Variants in NEXMIF observed in about 807,000 individuals in gnomAD.
The protein encoded by NEXMIF is XLMR protein related to neurite extension.
NEXMIF carries 8 observed loss-of-function variants against 62.1 expected under a neutral mutation model. The observed-to-expected ratio is 0.13, with a 90% CI of 0.08 to 0.23. The LOEUF (loss-of-function observed/expected upper bound fraction) is 0.23. NEXMIF is among the 10% of genes least tolerant of loss of function. NEXMIF has a pLI of 1.00. For missense variants in NEXMIF, 976 were observed against 1,113.3 expected (o/e 0.88, Z 1.75); for synonymous variants, 404 against 416.6 (o/e 0.97, Z 0.37).
At chrX:74,763,713 T>C (rs1354266197) in intron 1 of NEXMIF, among the ~76,000 whole-genome samples, 26 of 23,150 alleles carry the variant, frequency 1.1e-3, no homozygotes, top group Admixed American at 3.3e-3. Flanking sequence ...CTAGGTATTT[T>C]GTTCTCTTTG....
Position 74,735,690 on chromosome X carries a change from A to C in NEXMIF, c.*3715T>G, listed in dbSNP as rs1213238404. 1 of 112,232 alleles carries C rather than the reference A, an allele frequency of 8.9e-6. No homozygotes were observed. The highest frequency in any genetic ancestry group is 1.9e-5 in the Non-Finnish European group (1 of 53,247). 9.2% of individuals were successfully genotyped at this position (112,232 alleles called of 1,213,427 possible). A position where few individuals can be genotyped will look rare whatever the true frequency, so the allele number is the denominator to read the frequency against. ...CTTCAGTGAGATGGCTGAAGAAGTG[A>C]TGATCAAAGTAATGCAGGAGGTTTG... On this transcript the variant is annotated 3_prime_UTR_variant, in exon 4 of 4. Coordinates refer to ENST00000055682, the MANE Select transcript of NEXMIF (RefSeq NM_001008537.3).
chrX:74,791,542 A>G (rs1270040674), intron 1 of NEXMIF, among the ~76,000 whole-genome samples: 1 of 111,745 alleles, frequency 8.9e-6, no homozygotes, highest in Non-Finnish European at 1.9e-5. Flanking sequence ...GAATAGTTTC[A>G]GAAGGAATGG....
intron 1 of NEXMIF, among the ~76,000 whole-genome samples, chrX:74,796,153 A>AT (rs1491449324): frequency 5.8e-5 from 4 of 68,993 alleles, no homozygotes; most frequent in Non-Finnish European, 1.0e-4. Context: ...TTATATATAT[A>AT]CATATATATT....
At chrX:74,875,713 T>C (rs1465871616) in intron 1 of NEXMIF, among the ~76,000 whole-genome samples, 1 of 112,083 alleles carries the variant, frequency 8.9e-6, no homozygotes, top group African/African-American at 3.2e-5. Flanking sequence ...TCTTCCTGGT[T>C]TAGTCTTGGG....
At chrX:74,872,952 TA>T (rs1274440240) in intron 1 of NEXMIF, among the ~76,000 whole-genome samples, 4 of 110,746 alleles carry the variant, frequency 3.6e-5, no homozygotes, top group Non-Finnish European at 7.6e-5. Flanking sequence ...TTTTAGTTTT[TA>T]TTTTTTTTAA....
intron 1 of NEXMIF, among the ~76,000 whole-genome samples, chrX:74,834,748 T>A (rs1277366249): frequency 2.7e-5 from 3 of 111,629 alleles, no homozygotes; most frequent in Non-Finnish European, 5.6e-5. Flanking sequence ...ATCCTTGACC[T>A]TTAGGAGGTT....
chrX:74,828,425 A>G (rs187067162), intron 1 of NEXMIF, among the ~76,000 whole-genome samples: 1 of 111,904 alleles, frequency 8.9e-6, no homozygotes, highest in East Asian at 2.8e-4. Flanking sequence ...TAAAATATTC[A>G]TGCTTATTAT....
chrX:74,865,025 T>C lies in NEXMIF; in HGVS notation c.-48+59858A>G, dbSNP rs756125076. On this transcript the variant is annotated intron_variant, in intron 1 of 3. Transcript: ENST00000055682. ...TACCCGGCCATCAGGTATTTCTTCA[T>C]AGCAGTAGGAAAATGGACTAATACA... Among the ~76,000 whole-genome samples the C allele has an allele frequency of 4.5e-5, 5 of 112,111 alleles. No homozygotes were observed. In the East Asian group the frequency reaches 8.5e-4, roughly 19 times the overall value.
intron 1 of NEXMIF, among the ~76,000 whole-genome samples, chrX:74,902,406 T>C (rs938355147): frequency 1.8e-5 from 2 of 109,911 alleles, no homozygotes; most frequent in African/African-American, 6.6e-5. Context: ...TGCATATGTA[T>C]AGGAACACAG....
chrX:74,915,743 G>A (rs1181622635), intron 1 of NEXMIF, among the ~76,000 whole-genome samples: 1 of 111,080 alleles, frequency 9.0e-6, no homozygotes, highest in African/African-American at 3.3e-5. Context: ...TGCAGTGTGA[G>A]GAAACAATCT....
At chrX:74,874,397 C>A (rs1158670353) in intron 1 of NEXMIF, among the ~76,000 whole-genome samples, 1 of 108,743 alleles carries the variant, frequency 9.2e-6, no homozygotes, top group Admixed American at 9.9e-5. Flanking sequence ...TTACTGTAGC[C>A]TTGTAGTATA....
chrX:74,857,301 T>C (rs1481341550), intron 1 of NEXMIF, among the ~76,000 whole-genome samples: 2 of 112,203 alleles, frequency 1.8e-5, no homozygotes, highest in Non-Finnish European at 3.8e-5. Context: ...GAAGACTTGG[T>C]CTTGCATCTT....
intron 1 of NEXMIF, among the ~76,000 whole-genome samples, chrX:74,756,404 T>C (rs2080159510): frequency 8.9e-6 from 1 of 111,958 alleles, no homozygotes; most frequent in South Asian, 3.7e-4. Context: ...AAAATTTCAA[T>C]AATTCCACAA....
intron 1 of NEXMIF, among the ~76,000 whole-genome samples, chrX:74,908,302 G>C (rs1033128768): frequency 3.6e-5 from 4 of 112,361 alleles, no homozygotes; most frequent in Non-Finnish European, 5.6e-5. Context: ...AGGCAGGCCT[G>C]TGGATTCTTC....
intron 1 of NEXMIF, among the ~76,000 whole-genome samples, chrX:74,861,940 G>C (rs2080559125): frequency 9.0e-6 from 1 of 111,421 alleles, no homozygotes; most frequent in African/African-American, 3.3e-5. Flanking sequence ...ACATCAACAA[G>C]TCTGCAAAAT....
chrX:74,747,238 T>G, intron 1 of NEXMIF, among the ~76,000 whole-genome samples: 1 of 111,908 alleles, frequency 8.9e-6, no homozygotes. Context: ...TTTCAATAAT[T>G]TAATGTCTTC....
At chrX:74,797,230 T>G (rs2080314958) in intron 1 of NEXMIF, among the ~76,000 whole-genome samples, 1 of 112,035 alleles carries the variant, frequency 8.9e-6, no homozygotes, top group Admixed American at 9.5e-5. Context: ...CACATGATGA[T>G]TAAATGCAAT....
chrX:74,850,439 G>T (rs1180308727), intron 1 of NEXMIF, among the ~76,000 whole-genome samples: 1 of 111,974 alleles, frequency 8.9e-6, no homozygotes, highest in Non-Finnish European at 1.9e-5. Context: ...AACTAACATT[G>T]TTGCCAGCCT....
At chrX:74,839,900 G>C (rs1455262250) in intron 1 of NEXMIF, among the ~76,000 whole-genome samples, 2 of 111,559 alleles carry the variant, frequency 1.8e-5, no homozygotes, top group East Asian at 5.7e-4. Flanking sequence ...TTTATGGTAG[G>C]ATGATTTATA....
Sources: gnomAD v4.1 joint callset for allele counts (sites outside exome capture counted in the v4.1 genomes callset) on GRCh38, gnomAD v4.1.1 for gene constraint, MANE v1.5 for transcripts, NCBI Gene and HGNC (gene_info 2026-07-23, HGNC 2026-07-21) for gene names.